The following PKD1 variants were observed in gnomAD, a reference collection of about 807,000 sequenced individuals.
PKD1 encodes the protein polycystin-1.
In PKD1, 81 loss-of-function variants were observed where a neutral mutation model predicts 361.7. That is an observed-to-expected ratio of 0.22 (90% CI 0.19 to 0.27). The LOEUF (loss-of-function observed/expected upper bound fraction) is 0.27, where lower values mean the gene tolerates loss of function less well. PKD1 is among the 10% of genes least tolerant of loss of function. The pLI is 1.00. For synonymous variants in PKD1, 3,615 were observed against 2,818.3 expected, an observed-to-expected ratio of 1.28 and a Z score of -8.95; for missense variants, 6,399 against 6,118.3, an observed-to-expected ratio of 1.05 and a Z score of -1.53.
Position 2,109,410 on chromosome 16 carries a change from G to C in PKD1, c.5757C>G (p.Phe1919Leu). ...GGTTGGCCCCGCCGACCTGCAGGCG[G>C]AAGGTGACAGCTGAGCCGGCAGCCA... ...ILLAAGSAVT[F>L]RLQVGGANPE... is the part of the protein sequence containing the mutation. The change falls in exon 15 of 46, where the codon TTC becomes TTG. Residue 1919 changes from phenylalanine to leucine, a missense_variant. Coordinates refer to ENST00000262304, the MANE Select transcript of PKD1 (RefSeq NM_001009944.3). 1 of 1,601,454 alleles carries C rather than the reference G, an allele frequency of 6.2e-7. No homozygotes were observed. Among genetic ancestry groups the C allele is most frequent in the Non-Finnish European group, 8.5e-7 (1 of 1,178,758 alleles).
chr16:2,104,548 G>A lies in PKD1; in HGVS notation c.8111C>T (p.Ala2704Val), dbSNP rs200509641. Reference protein sequence around the residue: ...MMLILQAETTAGTVTPTAIGD... With the variant: ...MMLILQAETTVGTVTPTAIGD... ...GATGGCGGTGGGCGTCACGGTGCCCGCGGTGGTCTCTGCCTGCAGGATGAG... is the reference window on the plus strand; with the variant it reads ...GATGGCGGTGGGCGTCACGGTGCCCACGGTGGTCTCTGCCTGCAGGATGAG... Residue 2704 changes from alanine (A) to valine (V), a missense_variant, in exon 22 of 46, where the codon GCG becomes GTG. Transcript: ENST00000262304. 1,423 of 1,589,016 alleles carry A rather than the reference G, an allele frequency of 9.0e-4. 10 individuals are homozygous for A. In the Middle Eastern group the frequency reaches 9.8e-3, roughly 11 times the overall value.
At position 2,093,924 on chromosome 16, in the gene PKD1, C is replaced by T. The variant is rs372278093; in HGVS notation, c.10708G>A (p.Val3570Met). The T allele has an allele frequency of 5.7e-6, 9 of 1,583,928 alleles. No individual in the cohort carries two copies. The highest frequency in any genetic ancestry group is 1.6e-4 in the Middle Eastern group (1 of 6,064). ...GLSLLLVAVAVAVSGWVGASF... is the reference protein window; with the variant it reads ...GLSLLLVAVAMAVSGWVGASF... ...GCACCCACCCACCCTGAGACAGCCA[C>T]AGCCACAGCCACCAGGAGCAGGCTG... Residue 3570 changes from valine (V) to methionine (M), a missense_variant, in exon 36 of 46, where the codon GTG (valine) becomes ATG (methionine). Physicochemically the swap from Val to Met is conservative, Grantham distance 21. Transcript: ENST00000262304.
chr16:2,109,139 G>C lies in PKD1; in HGVS notation c.6028C>G (p.Leu2010Val). ...AGCGAGTCGCCCTGGACCTTCTGCA[G>C]CGAGAAGTACCAGGCGTAGGCGACC... ...SRVAYAWYFSLQKVQGDSLVI... is the reference protein window; with the variant it reads ...SRVAYAWYFSVQKVQGDSLVI... The change falls in exon 15 of 46, where the codon CTG becomes GTG. Residue 2010 changes from leucine to valine, a missense_variant. Leu to Val is a conservative substitution (Grantham distance 32). Transcript: ENST00000262304. 2 of 1,602,680 alleles carry C rather than the reference G, an allele frequency of 1.2e-6. No individual in the cohort carries two copies. The highest frequency in any genetic ancestry group is 1.3e-5 in the African/African-American group (1 of 74,902).
intron 13 of PKD1, 103 bp downstream of exon 13, chr16:2,112,685 G>T: frequency 7.6e-7 from 1 of 1,311,104 alleles, no homozygotes; most frequent in South Asian, 1.2e-5. Flanking sequence ...CAGGGAAACC[G>T]AGGCTCAGAA....
At chr16:2,121,959 C>T (rs2092727855) in intron 1 of PKD1, among the ~76,000 whole-genome samples, 1 of 152,234 alleles carries the variant, frequency 6.6e-6, no homozygotes, top group Admixed American at 6.5e-5. Context: ...ACCCGCCCAG[C>T]CCCTGCCAGC....
rs149872222 is a variant in PKD1, at chr16:2,100,513, G to A, written c.9451C>T (p.His3151Tyr). 3.0e-5 allele frequency: 49 copies of A among 1,610,674 alleles called. No homozygotes were observed. In the African/African-American group the frequency reaches 6.1e-4, roughly 20 times the overall value. The part of the protein sequence containing the change: ...MLYGVDSRSG[H>Y]RHLDGDRAFH... ...GCTCTGTCGCCGTCCAGGTGCCGGT[G>A]GCCGCTCCGGCTGTCCACCCCATAC... Residue 3151 changes from histidine to tyrosine, a missense_variant, in exon 27 of 46, where the codon CAC becomes TAC. Transcript: ENST00000262304. The surrounding 1 kb of genome is among the most constrained non-coding windows in gnomAD (Gnocchi z 4.4).
rs150841859 is a variant in PKD1 at position 2,109,625 on chromosome 16, G to A, written c.5542C>T (p.Arg1848Cys). Residue 1848 changes from arginine to cysteine, a missense_variant, in exon 15 of 46, where the codon CGT becomes TGT. Arg to Cys is a radical substitution (Grantham distance 180). Coordinates refer to ENST00000262304, the MANE Select transcript of PKD1 (RefSeq NM_001009944.3). The part of the protein sequence containing the change: ...CWAVPGGSSK[R>C]GPHVTMVFPD... The stretch of plus-strand genomic sequence containing the variant: ...AAGACCATGGTGACATGAGGGCCAC[G>A]CTTGCTGCTGCCGCCGGGCACAGCC... 182 of 1,605,732 alleles carry A rather than the reference G, an allele frequency of 1.1e-4. No homozygotes were observed. In the African/African-American group the frequency reaches 1.9e-3, roughly 17 times the overall value.
At position 2,089,350 on chromosome 16, in the gene PKD1, C is replaced by A. The variant is rs2091337779; in HGVS notation, c.*377G>T. ...AACTGGAGAGGTAATAACTTAGGGGCAGGGTGGCGGCGGTGCAGGCTAACC... is the reference window on the plus strand; with the variant it reads ...AACTGGAGAGGTAATAACTTAGGGGAAGGGTGGCGGCGGTGCAGGCTAACC... On this transcript the variant is annotated 3_prime_UTR_variant, in exon 46 of 46. Coordinates refer to ENST00000262304, the MANE Select transcript of PKD1 (RefSeq NM_001009944.3). 2.9e-6 allele frequency: 1 copy of A among 342,196 alleles called. No individual in the cohort carries two copies. Among genetic ancestry groups the A allele is most frequent in the Non-Finnish European group, 5.4e-6 (1 of 184,020 alleles). The allele number at this position is 342,196 out of a possible 1,614,324, so 21.2% of individuals were successfully genotyped here.
At position 2,135,756 on chromosome 16, in the gene PKD1, G is replaced by A. The variant is rs1016465177; in HGVS notation, c.-67C>T. The A allele has an allele frequency of 1.0e-3, 1,004 of 961,396 alleles. 16 individuals are homozygous for A. The African/African-American group carries it at 0.017, about 16-fold the overall frequency. The allele number at this position is 961,396 out of a possible 1,614,324, so 59.6% of individuals were successfully genotyped here. On this transcript the variant is annotated 5_prime_UTR_variant, in exon 1 of 46. Coordinates refer to ENST00000262304, the MANE Select transcript of PKD1 (RefSeq NM_001009944.3). ...GCCCGCGCGCGGAGGCCGCAGCTCA[G>A]GCGGGGCCCGCGGACGGCATGGCGG...
chr16:2,094,296 C>A, intron 34 of PKD1, 86 bp from the exon 35 acceptor site: 1 of 834,022 alleles, frequency 1.2e-6, no homozygotes, highest in South Asian at 1.4e-5. Flanking sequence ...CGGGCAGTTT[C>A]TTGAGCCTCT....
intron 41 of PKD1, 82 bp from the exon 42 acceptor site, chr16:2,091,679 G>T (rs1268618928): frequency 7.7e-6 from 12 of 1,561,392 alleles, no homozygotes; most frequent in Non-Finnish European, 1.0e-5. Flanking sequence ...TGGCTGAGGG[G>T]CTGTGGAAGC....
In PKD1 at chr16:2,105,865, C is replaced by T. The variant is rs2092319693; in HGVS notation, c.7863G>A (p.Glu2621=). The T allele has an allele frequency of 1.9e-6, 3 of 1,595,924 alleles. No homozygotes were observed. Among genetic ancestry groups the T allele is most frequent in the Non-Finnish European group, 1.7e-6 (2 of 1,179,454 alleles). Reference sequence around the variant, plus strand: ...ACGTCCCCTCCCAGGCTGCACTCACCTCGTTCAGCACGGTGACCAGGGCCA... The same window carrying T: ...ACGTCCCCTCCCAGGCTGCACTCACTTCGTTCAGCACGGTGACCAGGGCCA... The part of the protein sequence containing the change: ...YSLALVTVLN[E]YERALDVAAE... The change falls in exon 20 of 46, where the codon GAG becomes GAA. Residue 2621 remains glutamate, a splice_region_variant and synonymous_variant. Coordinates refer to ENST00000262304, the MANE Select transcript of PKD1 (RefSeq NM_001009944.3).
chr16:2,094,301 G>C, intron 34 of PKD1, 91 bp from the exon 35 acceptor site: 1 of 801,134 alleles, frequency 1.2e-6, no homozygotes, highest in Non-Finnish European at 2.2e-6. Flanking sequence ...AGTTTCTTGA[G>C]CCTCTTGGGT....
rs745639624 is a variant in PKD1, at chr16:2,109,050, C to A, written c.6117G>T (p.Gln2039His). The part of the protein sequence containing the change: ...TPVAAGLLEI[Q>H]VRAFNALGSE... The stretch of plus-strand genomic sequence containing the variant: ...TGCCCAGGGCGTTGAAGGCGCGCAC[C>A]TGGATCTCCAACAGCCCCGCGGCCA... Residue 2039 changes from glutamine to histidine, a missense_variant, in exon 15 of 46, where the codon CAG (glutamine) becomes CAT (histidine). By Grantham distance (24) the Gln-to-His change is conservative. Transcript: ENST00000262304. 6.2e-7 allele frequency: 1 copy of A among 1,607,476 alleles called. No homozygotes were observed. The highest frequency in any genetic ancestry group is 1.3e-5 in the African/African-American group (1 of 74,840).
At position 2,102,828 on chromosome 16, in the gene PKD1, G is replaced by A. The variant is rs1413650163; in HGVS notation, c.8934C>T (p.Phe2978=). 3 of 1,610,100 alleles carry A rather than the reference G, an allele frequency of 1.9e-6. No individual in the cohort carries two copies. The highest frequency in any genetic ancestry group is 1.7e-5 in the Admixed American group (1 of 60,010). ...GCAGAGCTCACCCCGGGGAAATGAA[G>A]AAGGTGTAGGGCCGGTGGTCAGCAC... ...LQGADHRPYT[F]FISPGSRDPA... The change falls in exon 24 of 46, where the codon TTC becomes TTT. Residue 2978 remains phenylalanine (F), a synonymous_variant. Transcript: ENST00000262304.
Position 2,097,455 on chromosome 16 carries a change from C to T in PKD1, c.10269G>A (p.Leu3423=), listed in dbSNP as rs1367121702. The T allele has an allele frequency of 5.0e-6, 8 of 1,605,080 alleles. No homozygotes were observed. In the Admixed American group the frequency reaches 1.3e-4, roughly 27 times the overall value. The change falls in exon 33 of 46, where the codon CTG becomes CTA. Residue 3423 remains leucine (L), a synonymous_variant. Coordinates refer to ENST00000262304, the MANE Select transcript of PKD1 (RefSeq NM_001009944.3). ...SGEGTLSWPD[L]LSDPSIVGSN... ...TACCCACAATGGACGGGTCACTGAG[C>T]AGGTCCGGCCAACTGAGCGTTCCCT...
Position 2,103,369 on chromosome 16 carries a change from G to C in PKD1, c.8688C>G (p.Ser2896=). Residue 2896 remains serine, a synonymous_variant, in exon 23 of 46, where the codon TCC becomes TCG. Transcript: ENST00000262304. ...CGGAGGCCTGGGGCTGGACCACAAC[G>C]GAGTTGGCGGAGTTGGCGGAGCTGC... ...GHRSSANSAN[S]VVVQPQASVG... The C allele has an allele frequency of 2.5e-6, 4 of 1,601,280 alleles. No individual in the cohort carries two copies. Among genetic ancestry groups the C allele is most frequent in the Non-Finnish European group, 3.4e-6 (4 of 1,179,314 alleles).
At chr16:2,124,516 G>A (rs1289964477) in intron 1 of PKD1, among the ~76,000 whole-genome samples, 1 of 152,238 alleles carries the variant, frequency 6.6e-6, no homozygotes, top group Non-Finnish European at 1.5e-5. Flanking sequence ...GCAACAGTGG[G>A]ACTGAGGAGA....
chr16:2,133,406 C>T (rs932867912), intron 1 of PKD1, among the ~76,000 whole-genome samples: 2 of 148,026 alleles, frequency 1.4e-5, no homozygotes, highest in African/African-American at 5.2e-5. Context: ...CCTGCGTGAG[C>T]CCCCCAGGAA....
Sources: allele counts gnomAD v4.1 joint callset (sites outside exome capture counted in the v4.1 genomes callset), GRCh38; gene constraint gnomAD v4.1.1; non-coding constraint Gnocchi (gnomAD v3.1); transcripts MANE v1.5; gene names NCBI Gene and HGNC (gene_info 2026-07-23, HGNC 2026-07-21).